Variants in RTN4 observed in about 807,000 individuals in gnomAD.
RTN4 encodes the protein reticulon 4.
RTN4 carries 32 observed loss-of-function variants against 90.4 expected under a neutral mutation model. That is an observed-to-expected ratio of 0.35 (90% CI 0.27 to 0.48). The LOEUF is 0.48. Among genes scored for constraint, RTN4 ranks in the 20% least tolerant of loss-of-function variants. The pLI is 0.99. For synonymous variants in RTN4, 629 were observed against 552.5 expected (o/e 1.14, Z -1.94); for missense variants, 1,706 against 1,430.2 (o/e 1.19, Z -3.11).
intron 2 of RTN4, among the ~76,000 whole-genome samples, chr2:55,069,970 G>A (rs1046096869): frequency 1.3e-5 from 2 of 152,134 alleles, no homozygotes; most frequent in Admixed American, 1.3e-4. Context: ...GCAAATGTGG[G>A]GTAAAAGATG....
At chr2:55,049,557 C>T (rs1428112163) in intron 1 of RTN4, 188 bp downstream of exon 1, 2 of 934,334 alleles carry the variant, frequency 2.1e-6, no homozygotes, top group African/African-American at 3.3e-5. Flanking sequence ...TAAGAACAAA[C>T]CCGGGCTCCA....
At chr2:55,057,000 G>A (rs1291046642) in intron 2 of RTN4, among the ~76,000 whole-genome samples, 1 of 152,148 alleles carries the variant, frequency 6.6e-6, no homozygotes, top group African/African-American at 2.4e-5. Context: ...CCCCTTCATA[G>A]ACCTCTTTGG....
At chr2:54,990,565 A>T (rs530364518) in intron 3 of RTN4, among the ~76,000 whole-genome samples, 1 of 151,230 alleles carries the variant, frequency 6.6e-6, no homozygotes, top group South Asian at 2.1e-4. Flanking sequence ...CAATCATCTT[A>T]CTCAATACTT....
chr2:55,046,798 C>A (rs1289082430), intron 1 of RTN4: 1 of 152,182 alleles, frequency 6.6e-6, no homozygotes, highest in African/African-American at 2.4e-5. Flanking sequence ...ACCATAATCA[C>A]AATGTTCTTA....
chr2:55,134,750 T>A, the RTN4 span, among the ~76,000 whole-genome samples: 1 of 152,116 alleles, frequency 6.6e-6, no homozygotes, highest in Non-Finnish European at 1.5e-5. Flanking sequence ...TGCCCAAGCT[T>A]TTTGGGCCCA....
chr2:55,009,503 G>C (rs950401685), intron 3 of RTN4, among the ~76,000 whole-genome samples: 3 of 152,100 alleles, frequency 2.0e-5, no homozygotes, highest in Admixed American at 2.0e-4. Flanking sequence ...AAGGACAAAG[G>C]TTAGTGACTT....
At chr2:54,991,629 CCT>C (rs1236417689) in intron 3 of RTN4, among the ~76,000 whole-genome samples, 1 of 152,312 alleles carries the variant, frequency 6.6e-6, no homozygotes, top group Non-Finnish European at 1.5e-5. Context: ...ATTCAAATTC[CCT>C]GTCAGTGGAT....
rs757200749 is a variant in RTN4, at chr2:55,026,252, A to G, written c.1847T>C (p.Met616Thr). ...TPSPVLPDIV[M>T]EAPLNSAVPS... ...AACTGCAGAATTCAATGGTGCTTCC[A>G]TAACAATGTCAGGCAAAACTGGTGA... Residue 616 changes from methionine (M) to threonine (T), a missense_variant, in exon 3 of 9, where the codon ATG becomes ACG. Coordinates refer to ENST00000337526, the MANE Select transcript of RTN4 (RefSeq NM_020532.5). The G allele has an allele frequency of 2.5e-6, 4 of 1,613,788 alleles. No homozygotes were observed. The highest frequency in any genetic ancestry group is 3.4e-6 in the Non-Finnish European group (4 of 1,179,908).
intron 3 of RTN4, chr2:55,010,331 G>C (rs1680542748): frequency 7.2e-7 from 1 of 1,383,700 alleles, no homozygotes; most frequent in Middle Eastern, 1.9e-4. Flanking sequence ...TCTGTAACTA[G>C]GCTACTAATA....
chr2:54,999,931 T>TG (rs1328227967), intron 3 of RTN4, among the ~76,000 whole-genome samples: 1 of 152,194 alleles, frequency 6.6e-6, no homozygotes, highest in East Asian at 1.9e-4. Context: ...CTATTTCTTT[T>TG]GAGTCCTATT....
At chr2:55,060,937 T>G (rs1028136868) in intron 2 of RTN4, among the ~76,000 whole-genome samples, 7 of 152,170 alleles carry the variant, frequency 4.6e-5, no homozygotes, top group Non-Finnish European at 8.8e-5. Flanking sequence ...AGAAGACTTC[T>G]TGTTGGCCCC....
At chr2:55,047,575 GAA>G (rs5831333) in intron 1 of RTN4, among the ~76,000 whole-genome samples, 3 of 150,134 alleles carry the variant, frequency 2.0e-5, no homozygotes, top group African/African-American at 7.3e-5. Context: ...AGTGAATTGA[GAA>G]AAAAAAAAAT....
chr2:55,125,445 C>T, the RTN4 span, among the ~76,000 whole-genome samples: 2 of 152,126 alleles, frequency 1.3e-5, no homozygotes, highest in East Asian at 3.9e-4. Flanking sequence ...AAAAAGTGGG[C>T]GAAGGAAATG....
the RTN4 span, among the ~76,000 whole-genome samples, chr2:55,133,041 G>A: frequency 2.1e-5 from 3 of 143,516 alleles, no homozygotes; most frequent in East Asian, 7.0e-4. Flanking sequence ...ATGAAACCGT[G>A]TCTCTACTAA....
chr2:55,021,235 C>A (rs983382518), intron 3 of RTN4, among the ~76,000 whole-genome samples: 4 of 152,102 alleles, frequency 2.6e-5, no homozygotes, highest in Non-Finnish European at 1.5e-5. Context: ...CTTCAGTACA[C>A]TTGAACCTCC....
At chr2:55,030,914 C>T (rs534682312) in intron 1 of RTN4, among the ~76,000 whole-genome samples, 1 of 152,238 alleles carries the variant, frequency 6.6e-6, no homozygotes, top group South Asian at 2.1e-4. Flanking sequence ...TGATCAATTG[C>T]TTCTATTTTA....
chr2:55,070,135 A>G (rs1437938297), intron 2 of RTN4, among the ~76,000 whole-genome samples: 1 of 152,104 alleles, frequency 6.6e-6, no homozygotes, highest in African/African-American at 2.4e-5. Flanking sequence ...AATTAAAACT[A>G]TGAGCTGGAT....
upstream of RTN4, among the ~76,000 whole-genome samples, chr2:55,116,091 C>CTTTTTT (rs5831339): frequency 9.0e-3 from 946 of 105,336 alleles, 22 homozygotes; most frequent in Non-Finnish European, 0.012. Context: ...GGGGACTAGT[C>CTTTTTT]TTTTTTTTTT....
intron 1 of RTN4, among the ~76,000 whole-genome samples, chr2:55,092,893 C>G (rs2920872): frequency 0.98 from 149,650 of 152,400 alleles, 73,510 homozygotes; most frequent in Admixed American, 1. Flanking sequence ...TTTGCCCCTT[C>G]GCATTTTCTT....
Sources: gnomAD v4.1 joint callset for allele counts (sites outside exome capture counted in the v4.1 genomes callset) on GRCh38, gnomAD v4.1.1 for gene constraint, MANE v1.5 for transcripts, NCBI Gene and HGNC (gene_info 2026-07-23, HGNC 2026-07-21) for gene names.